The following PLOD2 variants were observed in gnomAD, a reference collection of about 807,000 sequenced individuals.
PLOD2 encodes procollagen-lysine,2-oxoglutarate 5-dioxygenase 2, also known as lysine hydroxylase 2.
PLOD2 carries 65 observed loss-of-function variants against 101.0 expected under a neutral mutation model. The ratio of observed to expected loss-of-function variants is 0.64; its 90% CI spans 0.53 to 0.79. PLOD2 has a LOEUF of 0.79. Ranked by LOEUF, PLOD2 falls within the 30% of genes least tolerant of loss-of-function variation. PLOD2 has a pLI of 0.00. For synonymous variants in PLOD2, 314 were observed against 302.9 expected (o/e 1.04, Z -0.38); for missense variants, 909 against 914.6 (o/e 0.99, Z 0.08).
rs937663376 is a variant in PLOD2, at chr3:146,071,543, T to C, written c.1849-120A>G. 5.3e-6 allele frequency: 5 copies of C among 935,558 alleles called. No individual in the cohort carries two copies. The African/African-American group carries it at 8.3e-5, about 15-fold the overall frequency. The allele number at this position is 935,558 out of a possible 1,614,324, so 58.0% of individuals were successfully genotyped here. A position where few individuals can be genotyped will look rare whatever the true frequency, so the allele number is the denominator to read the frequency against. On this transcript the variant is annotated intron_variant, in intron 17 of 19. Coordinates refer to ENST00000282903, the MANE Select transcript of PLOD2 (RefSeq NM_182943.3). ...AATAAAAATAACAGTTGTTCCAATG[T>C]GGTATATCATCTGCTTTAACTGTAA...
rs374298326 is a variant in PLOD2 at position 146,082,873 on chromosome 3, C to T, written c.1233-1010G>A. On this transcript the variant is annotated intron_variant, in intron 11 of 19. Transcript: ENST00000282903. ...TCATGCCACTGCACTCCAGCCTGGG[C>T]GACAGAGCAAGACTCCATCTCAAAA... Among the ~76,000 whole-genome samples, 24 of 152,026 alleles carry T rather than the reference C, an allele frequency of 1.6e-4. No individual in the cohort carries two copies. In the East Asian group the frequency reaches 3.3e-3, roughly 21 times the overall value.
chr3:146,124,664 A>C (rs1434206599), intron 1 of PLOD2, among the ~76,000 whole-genome samples: 1 of 7,692 alleles, frequency 1.3e-4, no homozygotes, highest in East Asian at 5.2e-3. Context: ...TGACATACAC[A>C]AAAAAAACAG....
chr3:146,086,892 T>C lies in PLOD2; in HGVS notation c.1022A>G (p.Lys341Arg). The change falls in exon 10 of 20, where the codon AAG becomes AGG. Residue 341 changes from lysine (K) to arginine (R), a missense_variant. Physicochemically the swap from Lys to Arg is conservative, Grantham distance 26. Coordinates refer to ENST00000282903, the MANE Select transcript of PLOD2 (RefSeq NM_182943.3). ...FIHNKEVYHEKDIKVFFDKAK... is the reference protein window; with the variant it reads ...FIHNKEVYHERDIKVFFDKAK... ...TTTATCAAAAAATACCTTGATGTCC[T>C]TTTCATGATAAACTTCCTGTAACAT... 6.6e-7 allele frequency: 1 copy of C among 1,504,182 alleles called. No homozygotes were observed. Among genetic ancestry groups the C allele is most frequent in the Non-Finnish European group, 9.1e-7 (1 of 1,093,814 alleles). 93.2% of individuals were successfully genotyped at this position (1,504,182 alleles called of 1,614,324 possible).
chr3:146,071,535 T>C, intron 17 of PLOD2, 112 bp from the exon 18 acceptor site: 1 of 1,035,524 alleles, frequency 9.7e-7, no homozygotes, highest in East Asian at 2.5e-5. Context: ...ATAACAGTTG[T>C]TCCAATGTGG....
At chr3:146,090,020 T>G (rs1936922746) in intron 8 of PLOD2, among the ~76,000 whole-genome samples, 1 of 151,482 alleles carries the variant, frequency 6.6e-6, no homozygotes, top group South Asian at 2.1e-4. Context: ...CATGTTTATA[T>G]AACAACAACA....
In PLOD2 at chr3:146,102,900, T is replaced by C. The variant is rs781126577; in HGVS notation, c.680-48A>G. ...GCTTTAGTAATTTAAAATACGTGTG[T>C]GTGTGTCTGTATTCGTGTGTCTGTG... On this transcript the variant is annotated intron_variant, in intron 6 of 19. Transcript: ENST00000282903. The C allele has an allele frequency of 5.4e-6, 5 of 926,296 alleles. No homozygotes were observed. The Admixed American group carries it at 8.8e-5, about 16-fold the overall frequency. The allele number at this position is 926,296 out of a possible 1,614,324, so 57.4% of individuals were successfully genotyped here.
At chr3:146,085,548 C>T (rs1222208825) in intron 10 of PLOD2, 1 of 493,578 alleles carries the variant, frequency 2.0e-6, no homozygotes. Flanking sequence ...ATAAAACATC[C>T]ACAAATCAAA....
At position 146,142,189 on chromosome 3, in the gene PLOD2, T is replaced by C. The variant is rs565002278; in HGVS notation, c.110-17960A>G. On this transcript the variant is annotated intron_variant, in intron 1 of 19. Transcript: ENST00000282903. The stretch of plus-strand genomic sequence containing the variant: ...AAATAAACTACAAGTAAAGCTATTA[T>C]CTACTGATATTTAATGTCCTTTATT... 2.0e-5 allele frequency among the ~76,000 whole-genome samples: 3 copies of C among 152,282 alleles called. No homozygotes were observed. The East Asian group carries it at 5.8e-4, about 29-fold the overall frequency.
intron 2 of PLOD2, 25 bp from the exon 3 acceptor site, chr3:146,121,273 TC>T: frequency 6.2e-7 from 1 of 1,607,420 alleles, no homozygotes; most frequent in Non-Finnish European, 8.5e-7. Flanking sequence ...AACATTTCAT[TC>T]CTGAGCAAAA....
Position 146,086,801 on chromosome 3 carries a change from G to T in PLOD2, c.1113C>A (p.Ala371=). The T allele has an allele frequency of 6.8e-7, 1 of 1,478,212 alleles. No homozygotes were observed. The highest frequency in any genetic ancestry group is 9.2e-7 in the Non-Finnish European group (1 of 1,090,390). 91.6% of individuals were successfully genotyped at this position (1,478,212 alleles called of 1,614,324 possible). ...TTAAAACATACATTCCCATGTTTCT[G>T]GCTTCCGCTTGACTTAGATTTTCTT... The part of the protein sequence containing the change: ...GPEENLSQAE[A]RNMGMDFCRQ... The change falls in exon 10 of 20, where the codon GCC becomes GCA. Residue 371 remains alanine, a synonymous_variant. Transcript: ENST00000282903.
intron 7 of PLOD2, among the ~76,000 whole-genome samples, chr3:146,093,168 T>C (rs897112243): frequency 6.6e-6 from 1 of 152,184 alleles, no homozygotes; most frequent in African/African-American, 2.4e-5. Flanking sequence ...CTCAAATATT[T>C]GGGATCCTGT....
chr3:146,131,910 T>C (rs1327869444), intron 1 of PLOD2, among the ~76,000 whole-genome samples: 1 of 146,542 alleles, frequency 6.8e-6, no homozygotes, highest in Non-Finnish European at 1.5e-5. Context: ...TCAAGAGTAA[T>C]TCACGTCACA....
Position 146,160,993 on chromosome 3 carries a change from C to T in PLOD2, c.-4G>A, listed in dbSNP as rs79161810. The T allele has an allele frequency of 3.5e-4, 548 of 1,566,302 alleles. 3 individuals carry two copies. In the African/African-American group the frequency reaches 6.7e-3, roughly 19 times the overall value. On this transcript the variant is annotated 5_prime_UTR_variant, in exon 1 of 20. Transcript: ENST00000282903. ...GCTTCACCGTGCATCCCCCCATATT[C>T]GGCCCTCGAGGGCCGCGCGGGCTCA...
chr3:146,104,547 A>T (rs1262995715), intron 5 of PLOD2, among the ~76,000 whole-genome samples: 1 of 152,246 alleles, frequency 6.6e-6, no homozygotes, highest in Non-Finnish European at 1.5e-5. Flanking sequence ...AAATACACTT[A>T]AAGAAAATCT....
intron 1 of PLOD2, among the ~76,000 whole-genome samples, chr3:146,132,322 C>T (rs547386588): frequency 1.3e-5 from 2 of 152,160 alleles, no homozygotes; most frequent in South Asian, 2.1e-4. Flanking sequence ...GGGCAAGTAT[C>T]GCCAGTTATT....
At chr3:146,146,623 G>A (rs2031794410) in intron 1 of PLOD2, among the ~76,000 whole-genome samples, 1 of 152,132 alleles carries the variant, frequency 6.6e-6, no homozygotes, top group Non-Finnish European at 1.5e-5. Flanking sequence ...CTGCCTCATG[G>A]GCATAAGGAA....
Position 146,144,032 on chromosome 3 carries a change from T to C in PLOD2, c.109+16849A>G, listed in dbSNP as rs1421245875. 2.0e-5 allele frequency among the ~76,000 whole-genome samples: 3 copies of C among 152,240 alleles called. No homozygotes were observed. The East Asian group carries it at 5.8e-4, about 29-fold the overall frequency. ...CGTTTATACTGTGGTCCCCGCTGCC[T>C]GTAATCCTCCTCTCTCAGAAAGCCT... is the stretch of plus-strand genomic sequence containing the variant. On this transcript the variant is annotated intron_variant, in intron 1 of 19. Coordinates refer to ENST00000282903, the MANE Select transcript of PLOD2 (RefSeq NM_182943.3).
At chr3:146,100,698 T>C (rs1054052772) in intron 7 of PLOD2, among the ~76,000 whole-genome samples, 4 of 151,830 alleles carry the variant, frequency 2.6e-5, no homozygotes, top group African/African-American at 9.7e-5. Flanking sequence ...GGAGAAGAAA[T>C]TGAATGTGAA....
chr3:146,146,459 C>G (rs1370556008), intron 1 of PLOD2, among the ~76,000 whole-genome samples: 1 of 152,126 alleles, frequency 6.6e-6, no homozygotes, highest in African/African-American at 2.4e-5. Flanking sequence ...TTACCCTACA[C>G]CAGTGTTCTA....
Sources: allele counts gnomAD v4.1 joint callset (sites outside exome capture counted in the v4.1 genomes callset), GRCh38; gene constraint gnomAD v4.1.1; transcripts MANE v1.5; gene names NCBI Gene and HGNC (gene_info 2026-07-23, HGNC 2026-07-21).